ZBED6: variants seen among roughly 807,000 people sequenced by gnomAD.
ZBED6 encodes the protein zinc finger BED-type containing 6.
A neutral mutation model predicts 58.4 loss-of-function variants in ZBED6; 40 were observed. The observed-to-expected ratio is 0.68, with a 90% CI of 0.53 to 0.89. The LOEUF (loss-of-function observed/expected upper bound fraction) is 0.89. Among genes scored for constraint, ZBED6 ranks in the 40% least tolerant of loss-of-function variants. ZBED6 has a pLI of 0.00. For missense variants in ZBED6, 1,057 were observed against 1,003.9 expected, an observed-to-expected ratio of 1.05 and a Z score of -0.71; for synonymous variants, 439 against 350.6, an observed-to-expected ratio of 1.25 and a Z score of -2.82.
chr1:203,851,030 T>TG (rs1689125745), intron 15 of ZBED6, 27 bp from the exon 16 acceptor site: 1 of 1,611,552 alleles, frequency 6.2e-7, no homozygotes, highest in African/African-American at 1.3e-5. Flanking sequence ...TGACTCTCAC[T>TG]GAATTACCTG....
At chr1:203,806,050 A>C (rs1195951385) in intron 1 of ZBED6, 2 of 525,534 alleles carry the variant, frequency 3.8e-6, no homozygotes, top group African/African-American at 1.9e-5. Context: ...CTGCTCATAC[A>C]TCCGCTTTTG....
At chr1:203,798,454 A>G in exon 1 of ZBED6, 1 of 1,536,118 alleles carries the variant, frequency 6.5e-7, no homozygotes, top group Non-Finnish European at 8.7e-7. Flanking sequence ...CGACACCTGC[A>G]AGCCACACAT....
chr1:203,831,628 A>G (rs773347336), intron 7 of ZBED6, 33 bp from the exon 8 acceptor site: 2 of 1,576,474 alleles, frequency 1.3e-6, no homozygotes, highest in East Asian at 4.5e-5. Context: ...TTTTCCATAA[A>G]TTATTTGCTG....
chr1:203,851,221 A>C, intron 16 of ZBED6, 97 bp downstream of exon 16: 1 of 1,102,634 alleles, frequency 9.1e-7, no homozygotes, highest in African/African-American at 1.6e-5. Flanking sequence ...AGCAACATTC[A>C]AATAAATCTG....
At chr1:203,809,106 A>G (rs1673382254) in intron 1 of ZBED6, among the ~76,000 whole-genome samples, 1 of 151,190 alleles carries the variant, frequency 6.6e-6, no homozygotes, top group Admixed American at 6.6e-5. Context: ...CTAGGATTAC[A>G]GGCATGAGCC....
chr1:203,832,961 C>T (rs1043144620), intron 8 of ZBED6, among the ~76,000 whole-genome samples: 5 of 152,180 alleles, frequency 3.3e-5, no homozygotes, highest in Non-Finnish European at 7.3e-5. Context: ...AGGCTGTGCG[C>T]AGTGGCTTAC....
intron 3 of ZBED6, among the ~76,000 whole-genome samples, chr1:203,820,192 G>A (rs1245334699): frequency 6.7e-6 from 1 of 150,250 alleles, no homozygotes; most frequent in Non-Finnish European, 1.5e-5. Flanking sequence ...CTGAGATTGC[G>A]CCACTCCATT....
At chr1:203,837,730 G>A (rs540147174) in intron 9 of ZBED6, among the ~76,000 whole-genome samples, 1 of 152,160 alleles carries the variant, frequency 6.6e-6, no homozygotes, top group African/African-American at 2.4e-5. Flanking sequence ...CTCCTGCCTT[G>A]ACCTCCCAAA....
intron 3 of ZBED6, among the ~76,000 whole-genome samples, chr1:203,823,503 C>T (rs571134788): frequency 6.6e-6 from 1 of 152,160 alleles, no homozygotes; most frequent in Non-Finnish European, 1.5e-5. Context: ...CAGCATTAAC[C>T]ATATTGTTTG....
chr1:203,829,234 G>A, intron 4 of ZBED6: 1 of 584,328 alleles, frequency 1.7e-6, no homozygotes, highest in East Asian at 2.9e-5. Flanking sequence ...TGTTTTGAGT[G>A]CCCACTTTGT....
intron 1 of ZBED6, among the ~76,000 whole-genome samples, chr1:203,809,576 A>G (rs1224535366): frequency 6.6e-6 from 1 of 152,008 alleles, no homozygotes; most frequent in Non-Finnish European, 1.5e-5. Flanking sequence ...CCTTTTTCCT[A>G]CATTAACTTC....
intron 1 of ZBED6, among the ~76,000 whole-genome samples, chr1:203,804,201 G>T (rs1671432937): frequency 6.7e-6 from 1 of 149,612 alleles, no homozygotes; most frequent in East Asian, 2.0e-4. Flanking sequence ...GCCCAGGCTG[G>T]AGTGCAGTGG....
At chr1:203,833,166 G>A (rs774457070) in intron 8 of ZBED6, among the ~76,000 whole-genome samples, 3 of 152,010 alleles carry the variant, frequency 2.0e-5, no homozygotes, top group Non-Finnish European at 2.9e-5. Flanking sequence ...TCAGAAATTC[G>A]AGACCAGCCC....
In ZBED6 at chr1:203,837,956, C is replaced by A; in HGVS notation, c.*3574-10C>A. 1 of 1,604,016 alleles carries A rather than the reference C, an allele frequency of 6.2e-7. No individual in the cohort carries two copies. Among genetic ancestry groups the A allele is most frequent in the Non-Finnish European group, 8.5e-7 (1 of 1,177,502 alleles). On this transcript the variant is annotated splice_polypyrimidine_tract_variant and intron_variant, in intron 9 of 16. Coordinates refer to ENST00000550078, the Ensembl canonical transcript of ZBED6. ...CTTGAAATCTTAAACTAAGTTCTCCCTCTTTATAGGCGGTGACAGTGATCC... is the reference window on the plus strand; with the variant it reads ...CTTGAAATCTTAAACTAAGTTCTCCATCTTTATAGGCGGTGACAGTGATCC...
At chr1:203,843,123 C>CTG (rs1686936512) in intron 11 of ZBED6, among the ~76,000 whole-genome samples, 1 of 152,048 alleles carries the variant, frequency 6.6e-6, no homozygotes, top group African/African-American at 2.4e-5. Context: ...TGTATGCAAC[C>CTG]TGAATTATTC....
intron 1 of ZBED6, among the ~76,000 whole-genome samples, chr1:203,816,027 G>A (rs922745766): frequency 6.6e-6 from 1 of 152,146 alleles, no homozygotes; most frequent in Non-Finnish European, 1.5e-5. Context: ...TACACCTCTA[G>A]TCGTCTTCAT....
intron 10 of ZBED6, 86 bp downstream of exon 10, chr1:203,838,150 T>G: frequency 8.1e-7 from 1 of 1,232,346 alleles, no homozygotes; most frequent in South Asian, 1.4e-5. Context: ...TTTTCATTCT[T>G]TTGTTCAGGT....
At chr1:203,850,450 T>G (rs1688989963) in intron 14 of ZBED6, 65 bp from the exon 15 acceptor site, 2 of 1,584,844 alleles carry the variant, frequency 1.3e-6, no homozygotes, top group African/African-American at 2.7e-5. Context: ...TATTTTATTC[T>G]GAATTATTCC....
At chr1:203,799,006 A>T in exon 1 of ZBED6, 1 of 1,536,146 alleles carries the variant, frequency 6.5e-7, no homozygotes, top group Non-Finnish European at 8.7e-7. Context: ...TCCACTGACT[A>T]TTTTATTGTG....
Sources: allele counts gnomAD v4.1 joint callset (sites outside exome capture counted in the v4.1 genomes callset), GRCh38; gene constraint gnomAD v4.1.1; transcripts MANE v1.5; gene names NCBI Gene and HGNC (gene_info 2026-07-23, HGNC 2026-07-21).